Variants in SLC6A17 observed in about 807,000 individuals in gnomAD.
SLC6A17 encodes solute carrier family 6 member 17, also known as sodium-dependent neutral amino acid transporter SLC6A17.
A neutral mutation model predicts 64.5 loss-of-function variants in SLC6A17; 21 were observed. That is an observed-to-expected ratio of 0.33 (90% CI 0.23 to 0.47). The LOEUF (loss-of-function observed/expected upper bound fraction) is 0.47. Among genes scored for constraint, SLC6A17 ranks in the 20% least tolerant of loss-of-function variants. SLC6A17 has a pLI of 1.00. For synonymous variants in SLC6A17, 372 were observed against 399.5 expected (o/e 0.93, Z 0.82); for missense variants, 682 against 963.2 (o/e 0.71, Z 3.86).
rs540333470 is a variant in SLC6A17, at chr1:110,168,436, T to C, written c.286+1221T>C. Among the ~76,000 whole-genome samples, 167 of 152,322 alleles carry C rather than the reference T, an allele frequency of 1.1e-3. 2 individuals are homozygous for C. Among genetic ancestry groups the C allele is most frequent in the African/African-American group, 3.8e-3 (159 of 41,578 alleles). On this transcript the variant is annotated intron_variant, in intron 2 of 11. Coordinates refer to ENST00000331565, the MANE Select transcript of SLC6A17 (RefSeq NM_001010898.4). ...GAGTGAGAATGCCCACCTGAACTCT[T>C]GTGATTGAATTAGGCCAAAGGCTTC...
chr1:110,198,485 C>G lies in SLC6A17; in HGVS notation c.*41C>G. ...TGCCCGCCTCTCCCCCCACGCTCAA[C>G]CTGCCCACTTGTCCAGGCCTGGCCT... On this transcript the variant is annotated 3_prime_UTR_variant, in exon 12 of 12. Transcript: ENST00000331565. The G allele has an allele frequency of 1.9e-6, 3 of 1,571,858 alleles. No individual in the cohort carries two copies. The South Asian group carries it at 3.6e-5, about 19-fold the overall frequency.
At chr1:110,160,675 A>G (rs1319320044) in intron 1 of SLC6A17, among the ~76,000 whole-genome samples, 1 of 152,244 alleles carries the variant, frequency 6.6e-6, no homozygotes, top group Non-Finnish European at 1.5e-5. Context: ...AGGAGTTGTC[A>G]TAGAGGCGAG....
chr1:110,188,658 C>T (rs746983685), intron 6 of SLC6A17, among the ~76,000 whole-genome samples: 3 of 152,164 alleles, frequency 2.0e-5, no homozygotes, highest in East Asian at 1.9e-4. Context: ...CACCCCATCC[C>T]GATCCCTACC....
At chr1:110,152,913 T>G (rs879472047) in intron 1 of SLC6A17, among the ~76,000 whole-genome samples, 1 of 152,214 alleles carries the variant, frequency 6.6e-6, no homozygotes, top group Admixed American at 6.5e-5. Context: ...TGAAAGGGGT[T>G]GTGGGGACAC....
intron 1 of SLC6A17, among the ~76,000 whole-genome samples, chr1:110,155,377 G>C (rs1197487871): frequency 1.3e-5 from 2 of 152,146 alleles, no homozygotes; most frequent in Non-Finnish European, 2.9e-5. Context: ...AAATTCACAT[G>C]TAAGAACATA....
At chr1:110,156,709 T>C (rs1295517870) in intron 1 of SLC6A17, among the ~76,000 whole-genome samples, 1 of 152,210 alleles carries the variant, frequency 6.6e-6, no homozygotes, top group Non-Finnish European at 1.5e-5. Flanking sequence ...CCCAATAGGA[T>C]GCTTTTCTGC....
In SLC6A17 at chr1:110,174,578, G is replaced by A. The variant is rs573738242; in HGVS notation, c.572-201G>A. On this transcript the variant is annotated intron_variant, in intron 4 of 11. Transcript: ENST00000331565. ...GGAATCAGCCAGGCTGGTGTGTCCT[G>A]AAGCCTCCCAGACCCCAGTGGGAGC... is the stretch of plus-strand genomic sequence containing the variant. 3.9e-5 allele frequency among the ~76,000 whole-genome samples: 6 copies of A among 152,298 alleles called. No homozygotes were observed. The East Asian group carries it at 1.2e-3, about 29-fold the overall frequency.
chr1:110,170,438 C>G (rs539846674), intron 2 of SLC6A17, among the ~76,000 whole-genome samples: 1 of 152,160 alleles, frequency 6.6e-6, no homozygotes, highest in African/African-American at 2.4e-5. Context: ...GAGCCGAGAT[C>G]GCGCCACTGC....
chr1:110,185,227 A>G (rs574140089), intron 6 of SLC6A17, among the ~76,000 whole-genome samples: 16 of 152,346 alleles, frequency 1.1e-4, no homozygotes, highest in South Asian at 6.2e-4. Flanking sequence ...CACCTCCCCA[A>G]TGGGGTTGTC....
At chr1:110,179,702 C>T (rs1056366500) in intron 6 of SLC6A17, among the ~76,000 whole-genome samples, 2 of 152,138 alleles carry the variant, frequency 1.3e-5, no homozygotes, top group East Asian at 3.9e-4. Flanking sequence ...GACAGGCATG[C>T]GCCACCACAC....
In SLC6A17 at chr1:110,197,604, G is replaced by T; in HGVS notation, c.1815+5G>T. On this transcript the variant is annotated splice_donor_5th_base_variant and intron_variant, in intron 11 of 11. Transcript: ENST00000331565. The stretch of plus-strand genomic sequence containing the variant: ...AGCGCCTGGATCAAGGAGGAGGTGA[G>T]GGGTGGGGCCCCAAACCCCAGGGAC... The T allele has an allele frequency of 6.3e-7, 1 of 1,588,108 alleles. No homozygotes were observed.
At chr1:110,158,091 A>G (rs1655809181) in intron 1 of SLC6A17, among the ~76,000 whole-genome samples, 1 of 152,078 alleles carries the variant, frequency 6.6e-6, no homozygotes, top group Admixed American at 6.6e-5. Context: ...TCTGATTTCT[A>G]TTTGTCCCTC....
At position 110,192,377 on chromosome 1, in the gene SLC6A17, G is replaced by GACA. The variant is rs1169908421; in HGVS notation, c.1107-127_1107-125dup. On this transcript the variant is annotated intron_variant, in intron 7 of 11. Transcript: ENST00000331565. This position sits in a 1 kb window ranked among gnomAD's most constrained non-coding sequence, Gnocchi z 4.3. Reference sequence around the variant, plus strand: ...TCTGTCCCCAGCTCCGGGCCACAGGGACAAGCTCAGAGATGCCTCTGTCAG... The same window carrying GACA: ...TCTGTCCCCAGCTCCGGGCCACAGGGACAACAAGCTCAGAGATGCCTCTGTCAG... 2.1e-6 allele frequency: 3 copies of GACA among 1,444,196 alleles called. No homozygotes were observed. Among genetic ancestry groups the GACA allele is most frequent in the Non-Finnish European group, 2.8e-6 (3 of 1,068,294 alleles). 89.5% of individuals were successfully genotyped at this position (1,444,196 alleles called of 1,614,324 possible). A position where few individuals can be genotyped will look rare whatever the true frequency, so the allele number is the denominator to read the frequency against.
At chr1:110,184,003 C>T (rs927955945) in intron 6 of SLC6A17, among the ~76,000 whole-genome samples, 6 of 152,086 alleles carry the variant, frequency 3.9e-5, no homozygotes, top group African/African-American at 1.2e-4. Flanking sequence ...GCATGGAGAT[C>T]GCCAACACTT....
rs957085742 is a variant in SLC6A17, at chr1:110,192,768, G to C, written c.1299+70G>C. ...GAGCAGCTGTGGCCGGCGGGAGCTTGGGCTCAGGCCTCAGGATGCTGACAG... is the reference window on the plus strand; with the variant it reads ...GAGCAGCTGTGGCCGGCGGGAGCTTCGGCTCAGGCCTCAGGATGCTGACAG... On this transcript the variant is annotated intron_variant, in intron 8 of 11. Transcript: ENST00000331565. This position sits in a 1 kb window ranked among gnomAD's most constrained non-coding sequence, Gnocchi z 4.3. 6 of 1,511,894 alleles carry C rather than the reference G, an allele frequency of 4.0e-6. No homozygotes were observed. The African/African-American group carries it at 6.9e-5, about 17-fold the overall frequency. 93.7% of individuals were successfully genotyped at this position (1,511,894 alleles called of 1,614,324 possible).
At chr1:110,176,859 T>A in intron 6 of SLC6A17, 120 bp downstream of exon 6, 1 of 872,686 alleles carries the variant, frequency 1.1e-6, no homozygotes, top group Non-Finnish European at 1.8e-6. Flanking sequence ...TTGGGTATCG[T>A]ACCAGGCCCT....
At chr1:110,160,782 G>A (rs553672176) in intron 1 of SLC6A17, among the ~76,000 whole-genome samples, 2 of 152,272 alleles carry the variant, frequency 1.3e-5, no homozygotes, top group Admixed American at 6.5e-5. Flanking sequence ...GCCGAGGCCC[G>A]GGAGATAGAG....
chr1:110,197,548 C>T lies in SLC6A17; in HGVS notation c.1764C>T (p.Ile588=). The change falls in exon 11 of 12, where the codon ATC becomes ATT. Residue 588 remains isoleucine (I), a synonymous_variant. Transcript: ENST00000331565. The part of the protein sequence containing the change: ...LCMAVLTTAS[I]IQLGVTPPGY... ...TGGCTGTGCTCACCACAGCCAGCAT[C>T]ATCCAGCTGGGGGTCACGCCCCCGG... The T allele has an allele frequency of 2.5e-6, 4 of 1,613,080 alleles. No homozygotes were observed. Among genetic ancestry groups the T allele is most frequent in the Non-Finnish European group, 3.4e-6 (4 of 1,179,556 alleles).
chr1:110,180,515 A>G (rs1656493477), intron 6 of SLC6A17, among the ~76,000 whole-genome samples: 1 of 152,176 alleles, frequency 6.6e-6, no homozygotes, highest in African/African-American at 2.4e-5. Flanking sequence ...AGTGAGGCCA[A>G]TGGTGATGGC....
Sources: gnomAD v4.1 joint callset for allele counts (sites outside exome capture counted in the v4.1 genomes callset) on GRCh38, gnomAD v4.1.1 for gene constraint, Gnocchi (gnomAD v3.1) non-coding constraint, MANE v1.5 for transcripts, NCBI Gene and HGNC (gene_info 2026-07-23, HGNC 2026-07-21) for gene names.